The following RANBP2 variants were observed in gnomAD, a reference collection of about 807,000 sequenced individuals.
The protein encoded by RANBP2 is E3 SUMO-protein ligase RanBP2.
In RANBP2, 57 loss-of-function variants were observed where a neutral mutation model predicts 303.6. The observed-to-expected ratio is 0.19, with a 90% CI of 0.15 to 0.23. The LOEUF (loss-of-function observed/expected upper bound fraction) is 0.23, where lower values mean the gene tolerates loss of function less well. RANBP2 is among the 10% of genes least tolerant of loss of function. RANBP2 has a pLI of 1.00. For synonymous variants in RANBP2, 1,167 were observed against 1,301.5 expected (o/e 0.90, Z 2.23); for missense variants, 3,138 against 3,780.8 (o/e 0.83, Z 4.46).
intron 7 of RANBP2, among the ~76,000 whole-genome samples, chr2:108,741,807 C>G (rs751225857): frequency 8.5e-4 from 113 of 133,410 alleles, no homozygotes; most frequent in Non-Finnish European, 1.2e-3. Context: ...CCACCACACC[C>G]AGCCTTTTTT....
At chr2:109,545,662 C>T in the RANBP2 span, 1 of 1,487,196 alleles carries the variant, frequency 6.7e-7, no homozygotes, top group Non-Finnish European at 8.9e-7. Context: ...ACAAAGGGCA[C>T]AGCTTTATTT....
the RANBP2 span, among the ~76,000 whole-genome samples, chr2:109,010,037 T>C: frequency 6.6e-6 from 1 of 152,306 alleles, no homozygotes; most frequent in East Asian, 1.9e-4. Context: ...GTAAAGTATT[T>C]AACAGTTCTT....
the RANBP2 span, among the ~76,000 whole-genome samples, chr2:109,027,481 A>ATTTCC: frequency 6.6e-6 from 1 of 152,140 alleles, no homozygotes; most frequent in East Asian, 1.9e-4. Context: ...GAGCCAAGGA[A>ATTTCC]GCCTGTGGAG....
At chr2:109,424,140 C>G in the RANBP2 span, among the ~76,000 whole-genome samples, 1 of 152,202 alleles carries the variant, frequency 6.6e-6, no homozygotes, top group Non-Finnish European at 1.5e-5. Context: ...GGGGAGTGCT[C>G]TCAGGACACA....
At chr2:108,728,595 T>TG (rs1694918719) in intron 1 of RANBP2, among the ~76,000 whole-genome samples, 7 of 145,726 alleles carry the variant, frequency 4.8e-5, no homozygotes, top group Admixed American at 2.1e-4. Context: ...CCAGCTTATT[T>TG]ATGATGATGA....
the RANBP2 span, among the ~76,000 whole-genome samples, chr2:108,948,912 G>A: frequency 6.6e-6 from 1 of 152,150 alleles, no homozygotes; most frequent in African/African-American, 2.4e-5. Flanking sequence ...GAGGCCAGGA[G>A]TTCAAGACTG....
the RANBP2 span, among the ~76,000 whole-genome samples, chr2:109,725,626 C>T: frequency 3.3e-5 from 5 of 152,274 alleles, no homozygotes; most frequent in Non-Finnish European, 5.9e-5. Context: ...TGAGGACTCT[C>T]GGGAGAAAAG....
the RANBP2 span, among the ~76,000 whole-genome samples, chr2:109,352,811 A>G: frequency 5.3e-5 from 8 of 152,282 alleles, no homozygotes; most frequent in Admixed American, 3.9e-4. Context: ...GGAGCAGAGC[A>G]CCCTCTTAGC....
the RANBP2 span, among the ~76,000 whole-genome samples, chr2:109,687,548 C>T: frequency 1.6e-4 from 24 of 152,226 alleles, no homozygotes; most frequent in African/African-American, 4.8e-4. Flanking sequence ...TCATTTGTAA[C>T]TTATTTCTCC....
the RANBP2 span, among the ~76,000 whole-genome samples, chr2:109,642,159 C>T: frequency 1.6e-4 from 25 of 152,202 alleles, no homozygotes; most frequent in African/African-American, 5.1e-4. Flanking sequence ...AACTCCTGAC[C>T]GTGTTATCCA....
At chr2:109,242,704 G>A in the RANBP2 span, among the ~76,000 whole-genome samples, 1 of 152,190 alleles carries the variant, frequency 6.6e-6, no homozygotes, top group African/African-American at 2.4e-5. Context: ...CATTTCGTGA[G>A]CCCTGGTCTG....
the RANBP2 span, among the ~76,000 whole-genome samples, chr2:108,899,531 C>T: frequency 6.6e-6 from 1 of 152,198 alleles, no homozygotes; most frequent in African/African-American, 2.4e-5. Context: ...AATAGACTTT[C>T]CTTCTCTTTT....
At chr2:109,642,935 A>T in the RANBP2 span, among the ~76,000 whole-genome samples, 2 of 151,940 alleles carry the variant, frequency 1.3e-5, no homozygotes, top group Non-Finnish European at 2.9e-5. Context: ...AACACTCCAG[A>T]AGGCTGAGGC....
chr2:109,606,234 G>A, the RANBP2 span, among the ~76,000 whole-genome samples: 1 of 152,108 alleles, frequency 6.6e-6, no homozygotes, highest in Non-Finnish European at 1.5e-5. Flanking sequence ...GGCCAACATG[G>A]TGAAACCCCG....
chr2:108,919,764 C>T, the RANBP2 span, among the ~76,000 whole-genome samples: 7 of 152,006 alleles, frequency 4.6e-5, no homozygotes, highest in Non-Finnish European at 8.8e-5. Flanking sequence ...TGTAGGTCAG[C>T]GAGGCTCCGT....
chr2:109,514,287 T>C, the RANBP2 span, among the ~76,000 whole-genome samples: 3 of 152,174 alleles, frequency 2.0e-5, no homozygotes, highest in Non-Finnish European at 4.4e-5. Context: ...AGCTGGTAAA[T>C]ACGGAGTTTC....
At chr2:109,151,830 A>G in the RANBP2 span, among the ~76,000 whole-genome samples, 1 of 152,246 alleles carries the variant, frequency 6.6e-6, no homozygotes, top group Non-Finnish European at 1.5e-5. Context: ...ATTGTGGTTT[A>G]TAGGCAACAA....
At chr2:109,239,433 G>C in the RANBP2 span, among the ~76,000 whole-genome samples, 2 of 152,128 alleles carry the variant, frequency 1.3e-5, no homozygotes, top group South Asian at 4.1e-4. Flanking sequence ...GTGAAAATTG[G>C]GGTCTTCCCT....
At chr2:109,615,432 C>A in the RANBP2 span, 1 of 1,613,106 alleles carries the variant, frequency 6.2e-7, no homozygotes, top group Non-Finnish European at 8.5e-7. Flanking sequence ...GCACGGCAGG[C>A]AGGAGCTTCT....
Sources: allele counts gnomAD v4.1 joint callset (sites outside exome capture counted in the v4.1 genomes callset), GRCh38; gene constraint gnomAD v4.1.1; transcripts MANE v1.5; gene names NCBI Gene and HGNC (gene_info 2026-07-23, HGNC 2026-07-21).